The following PRKG1 variants were observed in gnomAD, a reference collection of about 807,000 sequenced individuals.
PRKG1 encodes the protein protein kinase cGMP-dependent 1.
In PRKG1, 35 loss-of-function variants were observed where a neutral mutation model predicts 88.1. The observed-to-expected ratio is 0.40, with a 90% CI of 0.30 to 0.53. PRKG1 has a LOEUF of 0.53. Ranked by LOEUF, PRKG1 falls within the 20% of genes least tolerant of loss-of-function variation. PRKG1 has a pLI of 0.59. For synonymous variants in PRKG1, 303 were observed against 292.5 expected, an observed-to-expected ratio of 1.04 and a Z score of -0.37; for missense variants, 540 against 839.8, an observed-to-expected ratio of 0.64 and a Z score of 4.41.
chr10:51,877,400 G>C (rs934136026), intron 4 of PRKG1, among the ~76,000 whole-genome samples: 33 of 152,102 alleles, frequency 2.2e-4, no homozygotes, highest in Non-Finnish European at 8.8e-5. Context: ...CATCAAGTAA[G>C]TGCATGATGG....
intron 3 of PRKG1, among the ~76,000 whole-genome samples, chr10:51,535,723 T>A (rs1019077878): frequency 2.9e-5 from 3 of 104,254 alleles, no homozygotes; most frequent in Non-Finnish European, 6.4e-5. Flanking sequence ...TTGAAATCAA[T>A]GATTTTTTTT....
intron 2 of PRKG1, among the ~76,000 whole-genome samples, chr10:51,333,266 T>C (rs1841786943): frequency 6.6e-6 from 1 of 152,226 alleles, no homozygotes; most frequent in Admixed American, 6.5e-5. Context: ...AATTCAACCT[T>C]CAGTATTGGT....
intron 3 of PRKG1, among the ~76,000 whole-genome samples, chr10:51,542,182 A>G (rs952257896): frequency 2.0e-5 from 3 of 152,078 alleles, no homozygotes; most frequent in Non-Finnish European, 4.4e-5. Flanking sequence ...TATATGAATT[A>G]CCCCAAACTC....
intron 3 of PRKG1, among the ~76,000 whole-genome samples, chr10:51,636,224 A>T (rs1391950598): frequency 6.6e-6 from 1 of 152,080 alleles, no homozygotes; most frequent in Admixed American, 6.6e-5. Context: ...TATATTTGAC[A>T]ATTGATTTTA....
intron 1 of PRKG1, among the ~76,000 whole-genome samples, chr10:51,007,903 A>G (rs1292872113): frequency 6.6e-6 from 1 of 152,224 alleles, no homozygotes; most frequent in Non-Finnish European, 1.5e-5. Flanking sequence ...GCTCTTCTCA[A>G]CAATCCCATG....
At chr10:51,819,416 A>G (rs149202929) in intron 4 of PRKG1, among the ~76,000 whole-genome samples, 147 of 152,232 alleles carry the variant, frequency 9.7e-4, no homozygotes, top group African/African-American at 3.5e-3. Context: ...AAATTTCAAC[A>G]CAAGTCTTAG....
chr10:51,079,472 T>G (rs768036835), intron 1 of PRKG1, among the ~76,000 whole-genome samples: 3 of 152,126 alleles, frequency 2.0e-5, no homozygotes, highest in African/African-American at 4.8e-5. Context: ...GGGAAATACA[T>G]TCCAAGCCAT....
At chr10:52,155,941 AAATT>A (rs1838083253) in intron 8 of PRKG1, among the ~76,000 whole-genome samples, 1 of 152,010 alleles carries the variant, frequency 6.6e-6, no homozygotes, top group Admixed American at 6.6e-5. Context: ...ATAATTCCTG[AAATT>A]AATTCTTAGC....
intron 3 of PRKG1, among the ~76,000 whole-genome samples, chr10:51,711,396 G>A (rs779795563): frequency 6.6e-5 from 10 of 152,228 alleles, no homozygotes; most frequent in Non-Finnish European, 1.2e-4. Flanking sequence ...GAGCCACTGC[G>A]CCTGGCCTGA....
intron 1 of PRKG1, among the ~76,000 whole-genome samples, chr10:51,068,941 A>G (rs1843787342): frequency 6.6e-6 from 1 of 152,012 alleles, no homozygotes; most frequent in Non-Finnish European, 1.5e-5. Flanking sequence ...ATTTCAAAAT[A>G]CAAAAAACCT....
chr10:52,102,590 C>CAAAAAAAAAAAAAAAAAAA (rs34379591), intron 7 of PRKG1, among the ~76,000 whole-genome samples: 3 of 112,260 alleles, frequency 2.7e-5, no homozygotes, highest in African/African-American at 9.6e-5. Flanking sequence ...GTGGATATGG[C>CAAAAAAAAAAAAAAAAAAA]AAAAAAAAGA....
chr10:52,079,210 TCATTTATCTCTTTTAA>T (rs1355771318), intron 7 of PRKG1, among the ~76,000 whole-genome samples: 1 of 152,196 alleles, frequency 6.6e-6, no homozygotes, highest in African/African-American at 2.4e-5. Flanking sequence ...TCCCATTCAT[TCATTTATCTCTTTTAA>T]CACCTTTTCC....
intron 3 of PRKG1, among the ~76,000 whole-genome samples, chr10:51,670,749 TA>T (rs1249427666): frequency 7.1e-4 from 51 of 71,940 alleles, no homozygotes; most frequent in Non-Finnish European, 1.5e-3. Flanking sequence ...AAAAAATAAA[TA>T]AATAAATAAA....
intron 3 of PRKG1, among the ~76,000 whole-genome samples, chr10:51,583,614 A>C (rs1197910206): frequency 2.6e-5 from 4 of 152,102 alleles, no homozygotes; most frequent in African/African-American, 9.6e-5. Flanking sequence ...TCTATCTAGA[A>C]TATAGTGCAG....
chr10:51,437,685 A>G (rs948785287), intron 2 of PRKG1, among the ~76,000 whole-genome samples: 8 of 151,946 alleles, frequency 5.3e-5, no homozygotes, highest in African/African-American at 1.9e-4. Context: ...AAATGAATAA[A>G]GAGTTTTTTT....
chr10:51,698,419 T>G lies in PRKG1; in HGVS notation c.593-106166T>G, dbSNP rs768689903. On this transcript the variant is annotated intron_variant, in intron 3 of 17. Transcript: ENST00000373980. Reference sequence around the variant, plus strand: ...CTAATGGCCCTCCCCTCATCTCATGTGAGGAAGGGCCACGAGTGTCATGAC... The same window carrying G: ...CTAATGGCCCTCCCCTCATCTCATGGGAGGAAGGGCCACGAGTGTCATGAC... 7 of 1,613,664 alleles carry G rather than the reference T, an allele frequency of 4.3e-6. No homozygotes were observed. In the African/African-American group the frequency reaches 9.3e-5, roughly 22 times the overall value.
intron 5 of PRKG1, chr10:51,910,268 G>A (rs1252091267): frequency 6.6e-6 from 1 of 152,190 alleles, no homozygotes; most frequent in African/African-American, 2.4e-5. Flanking sequence ...CTCTAGGAGG[G>A]AGGCAGTTGT....
At chr10:51,826,760 T>C (rs1429484659) in intron 4 of PRKG1, among the ~76,000 whole-genome samples, 1 of 152,198 alleles carries the variant, frequency 6.6e-6, no homozygotes, top group African/African-American at 2.4e-5. Context: ...AGGGCTCTTC[T>C]CTTCATGTGT....
chr10:52,288,815 A>G lies in PRKG1; in HGVS notation c.1799A>G (p.Lys600Arg), dbSNP rs1312713910. Residue 600 changes from lysine to arginine, a missense_variant, in exon 15 of 18, where the codon AAA becomes AGA. Physicochemically the swap from Lys to Arg is conservative, Grantham distance 26 (BLOSUM62 2). This residue lies in a region of PRKG1 where 97 missense variants were observed against 210.6 expected (regional missense o/e 0.46). Coordinates refer to ENST00000373980, the MANE Select transcript of PRKG1 (RefSeq NM_006258.4). ...DMIEFPKKIA[K>R]NAANLIKKLC... Reference sequence around the variant, plus strand: ...ATAGAATTTCCAAAGAAGATTGCCAAAAATGCTGCTAATTTAATTAAAAAA... The same window carrying G: ...ATAGAATTTCCAAAGAAGATTGCCAGAAATGCTGCTAATTTAATTAAAAAA... 3 of 1,606,712 alleles carry G rather than the reference A, an allele frequency of 1.9e-6. No individual in the cohort carries two copies. Among genetic ancestry groups the G allele is most frequent in the Non-Finnish European group, 2.5e-6 (3 of 1,177,002 alleles).
Sources: allele counts gnomAD v4.1 joint callset (sites outside exome capture counted in the v4.1 genomes callset), GRCh38; gene constraint gnomAD v4.1.1; regional missense constraint gnomAD v4.1.1; transcripts MANE v1.5; gene names NCBI Gene and HGNC (gene_info 2026-07-23, HGNC 2026-07-21).